Variants in GOLGA6L7 observed in about 807,000 individuals in gnomAD.
GOLGA6L7 encodes the protein golgin A6 family like 7, also known as golgin subfamily A member 6-like protein 7.
Under a neutral mutation model 68.9 loss-of-function variants are expected in GOLGA6L7, and 29 were observed. That is an observed-to-expected ratio of 0.42 (90% CI 0.31 to 0.57). The LOEUF is 0.57. Ranked by LOEUF, GOLGA6L7 falls within the 20% of genes least tolerant of loss-of-function variation. The pLI is 0.13. For synonymous variants in GOLGA6L7, 133 were observed against 197.4 expected (o/e 0.67, Z 2.73); for missense variants, 396 against 588.4 (o/e 0.67, Z 3.38).
Position 28,843,616 on chromosome 15 carries a change from C to T in GOLGA6L7, c.663+118G>A, listed in dbSNP as rs547731949. 19 of 554,730 alleles carry T rather than the reference C, an allele frequency of 3.4e-5. No individual in the cohort carries two copies. The African/African-American group carries it at 3.6e-4, about 11-fold the overall frequency. The allele number at this position is 554,730 out of a possible 1,614,324, so 34.4% of individuals were successfully genotyped here. ...ACTCTAGAGGATTCTGTGGTGGGACCAGAACAAGGACCCAAATTTTCCAGC... is the reference window on the plus strand; with the variant it reads ...ACTCTAGAGGATTCTGTGGTGGGACTAGAACAAGGACCCAAATTTTCCAGC... On this transcript the variant is annotated intron_variant, in intron 8 of 8. Coordinates refer to ENST00000567390, the MANE Select transcript of GOLGA6L7 (RefSeq NM_001365371.2).
Position 28,842,142 on chromosome 15 carries a change from A to G in GOLGA6L7, c.*93T>C, listed in dbSNP as rs1567379827. 4 of 1,111,726 alleles carry G rather than the reference A, an allele frequency of 3.6e-6. No individual in the cohort carries two copies. The highest frequency in any genetic ancestry group is 4.5e-6 in the Non-Finnish European group (4 of 880,182). The allele number at this position is 1,111,726 out of a possible 1,614,324, so 68.9% of individuals were successfully genotyped here. A position where few individuals can be genotyped will look rare whatever the true frequency, so the allele number is the denominator to read the frequency against. On this transcript the variant is annotated 3_prime_UTR_variant, in exon 9 of 9. Coordinates refer to ENST00000567390, the MANE Select transcript of GOLGA6L7 (RefSeq NM_001365371.2). ...CGGCCAGTATTTTGCCACAATTTAA[A>G]ATAAATTTTCTTTTTTTCAAGTTTG...
rs574038679 is a variant in GOLGA6L7, at chr15:28,843,900, G to A, written c.522-25C>T. Reference sequence around the variant, plus strand: ...GCTATGGCCGGAGGCAGTAGAGAAAGGAATGAACGAAGAACAGAAAGGACC... The same window carrying A: ...GCTATGGCCGGAGGCAGTAGAGAAAAGAATGAACGAAGAACAGAAAGGACC... On this transcript the variant is annotated intron_variant, in intron 7 of 8. Coordinates refer to ENST00000567390, the MANE Select transcript of GOLGA6L7 (RefSeq NM_001365371.2). The A allele has an allele frequency of 3.8e-6, 4 of 1,046,012 alleles. No individual in the cohort carries two copies. The African/African-American group carries it at 6.4e-5, about 17-fold the overall frequency. 64.8% of individuals were successfully genotyped at this position (1,046,012 alleles called of 1,614,324 possible).
Position 28,843,321 on chromosome 15 carries a change from C to A in GOLGA6L7, c.783G>T (p.Glu261Asp), listed in dbSNP as rs948725165. 5.0e-5 allele frequency: 52 copies of A among 1,037,476 alleles called. No homozygotes were observed. In the African/African-American group the frequency reaches 8.8e-4, roughly 18 times the overall value. The allele number at this position is 1,037,476 out of a possible 1,614,324, so 64.3% of individuals were successfully genotyped here. A position where few individuals can be genotyped will look rare whatever the true frequency, so the allele number is the denominator to read the frequency against. ...RKHEEKMWRQ[E>D]QRLRDQEKEL... is the part of the protein sequence containing the mutation. ...CCTTCTCCTGGTCCCGCAGCCTCTGCTCCTGTCTCCACATCTTCTCCTCGT... is the reference window on the plus strand; with the variant it reads ...CCTTCTCCTGGTCCCGCAGCCTCTGATCCTGTCTCCACATCTTCTCCTCGT... The change falls in exon 9 of 9, where the codon GAG becomes GAT. Residue 261 changes from glutamate to aspartate, a missense_variant. Glu to Asp is a conservative substitution (Grantham distance 45, BLOSUM62 2). Transcript: ENST00000567390.
chr15:28,843,069 C>G lies in GOLGA6L7; in HGVS notation c.1035G>C (p.Glu345Asp). Reference sequence around the variant, plus strand: ...GCTCCTTCTGCTTCAGCATCTGCTTCTCCTGCTTCCGCATCTGCTCCTCCT... The same window carrying G: ...GCTCCTTCTGCTTCAGCATCTGCTTGTCCTGCTTCCGCATCTGCTCCTCCT... ...GEQEEQMRKQ[E>D]KQMLKQKEQM... The change falls in exon 9 of 9, where the codon GAG becomes GAC. Residue 345 changes from glutamate to aspartate, a missense_variant. By Grantham distance (45) the Glu-to-Asp change is conservative. Around this residue, in one of 5 missense-constraint regions of GOLGA6L7, gnomAD observed 114 missense variants for 186.0 expected, o/e 0.61. Coordinates refer to ENST00000567390, the MANE Select transcript of GOLGA6L7 (RefSeq NM_001365371.2). 1 of 1,288,646 alleles carries G rather than the reference C, an allele frequency of 7.8e-7. No individual in the cohort carries two copies. Among genetic ancestry groups the G allele is most frequent in the East Asian group, 3.0e-5 (1 of 33,322 alleles). The allele number at this position is 1,288,646 out of a possible 1,614,324, so 79.8% of individuals were successfully genotyped here. A position where few individuals can be genotyped will look rare whatever the true frequency, so the allele number is the denominator to read the frequency against.
In GOLGA6L7 at chr15:28,845,381, G is replaced by T. The variant is rs558888425; in HGVS notation, c.462+148C>A. Reference sequence around the variant, plus strand: ...ACAGCAGCTGACTCAGCCCCAACCTGCCTCTAACAACCACGCACAAAAGCA... The same window carrying T: ...ACAGCAGCTGACTCAGCCCCAACCTTCCTCTAACAACCACGCACAAAAGCA... On this transcript the variant is annotated intron_variant, in intron 6 of 8. Coordinates refer to ENST00000567390, the MANE Select transcript of GOLGA6L7 (RefSeq NM_001365371.2). The T allele has an allele frequency of 0.012, 8,255 of 695,500 alleles. 426 individuals are homozygous for T. The African/African-American group carries it at 0.12, about 10-fold the overall frequency. The allele number at this position is 695,500 out of a possible 1,614,324, so 43.1% of individuals were successfully genotyped here. A position where few individuals can be genotyped will look rare whatever the true frequency, so the allele number is the denominator to read the frequency against.
In GOLGA6L7 at chr15:28,842,374, T is replaced by C. The variant is rs1239809734; in HGVS notation, c.1730A>G (p.His577Arg). The change falls in exon 9 of 9, where the codon CAT becomes CGT. Residue 577 changes from histidine to arginine, a missense_variant. This residue lies in a region of GOLGA6L7 where 125 missense variants were observed against 163.3 expected (regional missense o/e 0.77). Coordinates refer to ENST00000567390, the MANE Select transcript of GOLGA6L7 (RefSeq NM_001365371.2). Reference sequence around the variant, plus strand: ...CATGATCTGTGCAGTGCGGTTGTCATGGGAATAACCCTTCCCGGCCTCTCG... The same window carrying C: ...CATGATCTGTGCAGTGCGGTTGTCACGGGAATAACCCTTCCCGGCCTCTCG... ...PAREAGKGYSHDNRTAQIMQL... is the reference protein window; with the variant it reads ...PAREAGKGYSRDNRTAQIMQL... The C allele has an allele frequency of 5.5e-5, 68 of 1,234,050 alleles. 1 individual carries two copies. In the South Asian group the frequency reaches 1.0e-3, roughly 19 times the overall value. The allele number at this position is 1,234,050 out of a possible 1,614,324, so 76.4% of individuals were successfully genotyped here.
chr15:28,843,029 CCTGCTTCCGCATCTGCTCCTT>C lies in GOLGA6L7; in HGVS notation c.1054_1074del (p.Lys352_Gln358del). Reference sequence around the variant, plus strand: ...TCCTCCTGCTTCCACATCTGCTCCTCCTGCTTCCGCATCTGCTCCTTCTGCTTCAGCATCTGCTTCTCCTGC... The same window carrying C: ...TCCTCCTGCTTCCACATCTGCTCCTCCTGCTTCAGCATCTGCTTCTCCTGC... On this transcript the variant is annotated inframe_deletion, in exon 9 of 9. Transcript: ENST00000567390. 1 of 1,216,848 alleles carries C rather than the reference CCTGCTTCCGCATCTGCTCCTT, an allele frequency of 8.2e-7. No individual in the cohort carries two copies. Among genetic ancestry groups the C allele is most frequent in the Non-Finnish European group, 1.0e-6 (1 of 982,658 alleles). 75.4% of individuals were successfully genotyped at this position (1,216,848 alleles called of 1,614,324 possible).
At chr15:28,847,777 C>G in intron 1 of GOLGA6L7, among the ~76,000 whole-genome samples, 1 of 152,236 alleles carries the variant, frequency 6.6e-6, no homozygotes, top group East Asian at 1.9e-4. Context: ...GAGGAAGATT[C>G]AAGTTGTCAA....
chr15:28,846,025 G>A, intron 3 of GOLGA6L7, 75 bp from the exon 4 acceptor site: 1 of 912,676 alleles, frequency 1.1e-6, no homozygotes, highest in Admixed American at 2.0e-5. Context: ...CATGCCCCCA[G>A]AATGGCCCCA....
chr15:28,845,014 A>G, intron 6 of GOLGA6L7: 1 of 228,498 alleles, frequency 4.4e-6, no homozygotes, highest in Non-Finnish European at 8.7e-6. Context: ...GCATAGTCCA[A>G]ACCTCAGAAG....
At chr15:28,844,760 A>G (rs561141337) in intron 6 of GOLGA6L7, among the ~76,000 whole-genome samples, 1 of 152,078 alleles carries the variant, frequency 6.6e-6, no homozygotes, top group South Asian at 2.1e-4. Flanking sequence ...ACCAGGCACT[A>G]TGCTAACAAT....
In GOLGA6L7 at chr15:28,845,571, C is replaced by T. The variant is rs377650467; in HGVS notation, c.420G>A (p.Arg140=). The change falls in exon 6 of 9, where the codon CGG becomes CGA. Residue 140 remains arginine, a synonymous_variant. Transcript: ENST00000567390. ...HSWHFAGELQ[R]ALSAMSAEHE... ...GCTCTGCGGACATAGCAGAGAGAGCCCGCTGTAACTCTCCTGCAAAGTGCC... is the reference window on the plus strand; with the variant it reads ...GCTCTGCGGACATAGCAGAGAGAGCTCGCTGTAACTCTCCTGCAAAGTGCC... The T allele has an allele frequency of 5.2e-5, 40 of 769,550 alleles. No homozygotes were observed. The East Asian group carries it at 9.8e-4, about 19-fold the overall frequency. 47.7% of individuals were successfully genotyped at this position (769,550 alleles called of 1,614,324 possible).
intron 2 of GOLGA6L7, chr15:28,846,666 A>T: frequency 2.9e-6 from 1 of 349,604 alleles, no homozygotes; most frequent in Non-Finnish European, 5.1e-6. Context: ...CAAGGTTTCC[A>T]TTCTAGTGAA....
intron 6 of GOLGA6L7, among the ~76,000 whole-genome samples, chr15:28,844,719 T>G (rs189629711): frequency 2.2e-3 from 332 of 152,274 alleles, no homozygotes; most frequent in South Asian, 4.6e-3. Context: ...CTGTTATTAT[T>G]ACCACTGTTG....
At chr15:28,844,430 C>CTTTTTTTTTT (rs3062970) in intron 6 of GOLGA6L7, among the ~76,000 whole-genome samples, 167 bp from the exon 7 acceptor site, 1 of 128,734 alleles carries the variant, frequency 7.8e-6, no homozygotes, top group Non-Finnish European at 1.6e-5. Context: ...TTTTTCTTTT[C>CTTTTTTTTTT]TTTTTTTTTT....
At chr15:28,844,318 G>A (rs1323061071) in intron 6 of GOLGA6L7, 55 bp from the exon 7 acceptor site, 3 of 449,020 alleles carry the variant, frequency 6.7e-6, no homozygotes, top group Non-Finnish European at 7.7e-6. Flanking sequence ...GCAGCTGGAC[G>A]ACCAGTAACG....
chr15:28,843,023 G>T lies in GOLGA6L7; in HGVS notation c.1081C>A (p.Gln361Lys), dbSNP rs1188690480. The T allele has an allele frequency of 1.6e-6, 2 of 1,241,572 alleles. No individual in the cohort carries two copies. Among genetic ancestry groups the T allele is most frequent in the Non-Finnish European group, 1.0e-6 (1 of 994,066 alleles). 76.9% of individuals were successfully genotyped at this position (1,241,572 alleles called of 1,614,324 possible). ...ATCTGCTCCTCCTGCTTCCACATCTGCTCCTCCTGCTTCCGCATCTGCTCC... is the reference window on the plus strand; with the variant it reads ...ATCTGCTCCTCCTGCTTCCACATCTTCTCCTCCTGCTTCCGCATCTGCTCC... ...QKEQMRKQEE[Q>K]MWKQEEQIGE... Residue 361 changes from glutamine (Q) to lysine (K), a missense_variant, in exon 9 of 9, where the codon CAG (glutamine) becomes AAG (lysine). Around this residue, in one of 5 missense-constraint regions of GOLGA6L7, gnomAD observed 114 missense variants for 186.0 expected, o/e 0.61. Transcript: ENST00000567390.
rs1190553315 is a variant in GOLGA6L7, at chr15:28,843,756, G to A, written c.641C>T (p.Thr214Met). Residue 214 changes from threonine to methionine, a missense_variant, in exon 8 of 9, where the codon ACG becomes ATG. Physicochemically the swap from Thr to Met is moderately conservative, Grantham distance 81 (BLOSUM62 -1). Around this residue, in one of 5 missense-constraint regions of GOLGA6L7, gnomAD observed 125 missense variants for 119.4 expected, o/e 1.05. Coordinates refer to ENST00000567390, the MANE Select transcript of GOLGA6L7 (RefSeq NM_001365371.2). ...HIKELKRKLE[T>M]DKIPLPQVQT... ...CACCTGTGGCAGCGGGATTTTGTCCGTCTCCAGTTTCCTTTTTAGCTCCTT... is the reference window on the plus strand; with the variant it reads ...CACCTGTGGCAGCGGGATTTTGTCCATCTCCAGTTTCCTTTTTAGCTCCTT... 12 of 658,534 alleles carry A rather than the reference G, an allele frequency of 1.8e-5. No homozygotes were observed. Among genetic ancestry groups the A allele is most frequent in the Middle Eastern group, 4.0e-4 (1 of 2,500 alleles). The allele number at this position is 658,534 out of a possible 1,614,324, so 40.8% of individuals were successfully genotyped here.
chr15:28,846,168 T>C, intron 3 of GOLGA6L7, 52 bp downstream of exon 3: 1 of 721,254 alleles, frequency 1.4e-6, no homozygotes, highest in Non-Finnish European at 2.5e-6. Context: ...TACATCTGAG[T>C]GCCCCCCAAA....
Sources: allele counts gnomAD v4.1 joint callset (sites outside exome capture counted in the v4.1 genomes callset), GRCh38; gene constraint gnomAD v4.1.1; regional missense constraint gnomAD v4.1.1; transcripts MANE v1.5; gene names NCBI Gene and HGNC (gene_info 2026-07-23, HGNC 2026-07-21).